Variants in DCLK2 observed in about 807,000 individuals in gnomAD.
DCLK2 encodes the protein doublecortin like kinase 2.
DCLK2 carries 31 observed loss-of-function variants against 78.4 expected under a neutral mutation model. The ratio of observed to expected loss-of-function variants is 0.40; its 90% CI spans 0.30 to 0.53. The LOEUF is 0.53. Among genes scored for constraint, DCLK2 ranks in the 20% least tolerant of loss-of-function variants. DCLK2 has a pLI of 0.61. For missense variants in DCLK2, 872 were observed against 973.7 expected (o/e 0.90, Z 1.39); for synonymous variants, 407 against 374.9 (o/e 1.09, Z -0.99).
chr4:150,251,405 ACACCCCCACACAACCCACATCCCCCG>A (rs1744056428), intron 15 of DCLK2, among the ~76,000 whole-genome samples: 1 of 570 alleles, frequency 1.8e-3, no homozygotes, highest in Non-Finnish European at 2.8e-3. Flanking sequence ...CACACCCCCC[ACACCCCCACACAACCCACATCCCCCG>A]CACCACACAT....
intron 2 of DCLK2, among the ~76,000 whole-genome samples, chr4:150,166,035 C>T (rs895220153): frequency 3.3e-5 from 5 of 152,188 alleles, no homozygotes; most frequent in African/African-American, 9.7e-5. Flanking sequence ...TTCCCAGCTT[C>T]CAGAACCGTG....
intron 2 of DCLK2, among the ~76,000 whole-genome samples, chr4:150,187,992 G>T (rs1738083605): frequency 6.6e-6 from 1 of 152,034 alleles, no homozygotes; most frequent in East Asian, 1.9e-4. Flanking sequence ...GTAGAGACGG[G>T]GTTTCGCCAT....
chr4:150,232,544 T>C, intron 9 of DCLK2, 88 bp downstream of exon 9: 1 of 1,543,206 alleles, frequency 6.5e-7, no homozygotes, highest in Non-Finnish European at 8.8e-7. Context: ...TATTGCTACC[T>C]CATAACTTTC....
chr4:150,112,833 CAG>C (rs1731794632), intron 2 of DCLK2, among the ~76,000 whole-genome samples: 1 of 108,294 alleles, frequency 9.2e-6, no homozygotes, highest in African/African-American at 3.6e-5. Flanking sequence ...CCGCCCCGGA[CAG>C]AGTCTTTTTC....
rs1729020701 is a variant in DCLK2, at chr4:150,078,974, G to A, written c.-54G>A. 1 of 1,481,138 alleles carries A rather than the reference G, an allele frequency of 6.8e-7. No homozygotes were observed. The highest frequency in any genetic ancestry group is 2.4e-5 in the East Asian group (1 of 40,926). The allele number at this position is 1,481,138 out of a possible 1,614,324, so 91.7% of individuals were successfully genotyped here. ...GTCAGACGTCCCTGCACCGGCGCTC[G>A]CACCCTTAGTCGGCCCGGAACGTCT... is the stretch of plus-strand genomic sequence containing the variant. On this transcript the variant is annotated 5_prime_UTR_variant, in exon 1 of 16. Transcript: ENST00000296550.
At chr4:150,247,867 A>G (rs1286813370) in intron 13 of DCLK2, among the ~76,000 whole-genome samples, 168 bp downstream of exon 13, 1 of 152,206 alleles carries the variant, frequency 6.6e-6, no homozygotes, top group East Asian at 1.9e-4. Flanking sequence ...GTTCTTGGCC[A>G]AATTCTTAAA....
intron 15 of DCLK2, chr4:150,253,201 C>A: frequency 2.0e-6 from 1 of 507,676 alleles, no homozygotes; most frequent in African/African-American, 1.9e-5. Context: ...CTCAAAATGA[C>A]TCTCCCTGGT....
At chr4:150,207,108 G>A (rs1389918825) in intron 5 of DCLK2, among the ~76,000 whole-genome samples, 2 of 152,108 alleles carry the variant, frequency 1.3e-5, no homozygotes, top group Non-Finnish European at 2.9e-5. Context: ...TCGTGGGCAG[G>A]AACTCTTTAC....
intron 2 of DCLK2, among the ~76,000 whole-genome samples, chr4:150,125,903 CA>C (rs1191933685): frequency 1.3e-5 from 2 of 151,644 alleles, no homozygotes. Context: ...AAAAAAACCA[CA>C]AAAAACCCAC....
At chr4:150,234,007 C>A (rs889301856) in intron 10 of DCLK2, among the ~76,000 whole-genome samples, 2 of 152,172 alleles carry the variant, frequency 1.3e-5, no homozygotes, top group African/African-American at 4.8e-5. Flanking sequence ...CATCCTCATT[C>A]CTGCTTGGGA....
At chr4:150,192,454 T>G (rs1738523131) in intron 2 of DCLK2, among the ~76,000 whole-genome samples, 1 of 134,896 alleles carries the variant, frequency 7.4e-6, no homozygotes, top group Admixed American at 8.6e-5. Flanking sequence ...CACTCCAGCC[T>G]GGTGACAGAG....
chr4:150,242,400 G>A (rs1162070493), intron 12 of DCLK2, among the ~76,000 whole-genome samples: 1 of 152,206 alleles, frequency 6.6e-6, no homozygotes, highest in Non-Finnish European at 1.5e-5. Flanking sequence ...TTCCACCAAA[G>A]TCATTAACTA....
rs565064734 is a variant in DCLK2, at chr4:150,210,790, A to C, written c.1056+6901A>C. The stretch of plus-strand genomic sequence containing the variant: ...TGGTGAAACCCTATCTCTACTAAAA[A>C]TAGAAAAACTTGCTGGGTGTGGTGG... On this transcript the variant is annotated intron_variant, in intron 5 of 15. Transcript: ENST00000296550. 2.1e-3 allele frequency among the ~76,000 whole-genome samples: 319 copies of C among 152,054 alleles called. 1 individual carries two copies. Among genetic ancestry groups the C allele is most frequent in the Non-Finnish European group, 3.6e-3 (243 of 67,972 alleles).
At chr4:150,082,380 A>G (rs999860828) in intron 1 of DCLK2, among the ~76,000 whole-genome samples, 2 of 152,210 alleles carry the variant, frequency 1.3e-5, no homozygotes, top group Non-Finnish European at 2.9e-5. Flanking sequence ...AAACAGTAGG[A>G]TATGAACATT....
At chr4:150,178,688 C>T (rs1560838976) in intron 2 of DCLK2, among the ~76,000 whole-genome samples, 1 of 152,212 alleles carries the variant, frequency 6.6e-6, no homozygotes, top group Non-Finnish European at 1.5e-5. Context: ...CTAATCTACT[C>T]ACCTTGCCGG....
intron 2 of DCLK2, among the ~76,000 whole-genome samples, chr4:150,142,502 TAA>T (rs1157234463): frequency 1.3e-5 from 2 of 152,242 alleles, no homozygotes; most frequent in African/African-American, 4.8e-5. Flanking sequence ...TTTAGCATGC[TAA>T]GTTTCTAAAG....
intron 2 of DCLK2, among the ~76,000 whole-genome samples, chr4:150,134,076 C>CTTTCTTTTT (rs1733517625): frequency 1.1e-5 from 1 of 94,852 alleles, no homozygotes; most frequent in Non-Finnish European, 2.0e-5. Flanking sequence ...CGTATAAACT[C>CTTTCTTTTT]TTTTTTTTTT....
chr4:150,215,001 A>G (rs1054700095), intron 5 of DCLK2, among the ~76,000 whole-genome samples: 2 of 151,610 alleles, frequency 1.3e-5, no homozygotes, highest in African/African-American at 4.8e-5. Flanking sequence ...CTTGACACTT[A>G]TAGACCATTT....
At chr4:150,081,448 A>C (rs1445877202) in intron 1 of DCLK2, among the ~76,000 whole-genome samples, 1 of 152,222 alleles carries the variant, frequency 6.6e-6, no homozygotes, top group Non-Finnish European at 1.5e-5. Context: ...GATTTGGAAA[A>C]AACATTATCT....
Sources: allele counts gnomAD v4.1 joint callset (sites outside exome capture counted in the v4.1 genomes callset), GRCh38; gene constraint gnomAD v4.1.1; transcripts MANE v1.5; gene names NCBI Gene and HGNC (gene_info 2026-07-23, HGNC 2026-07-21).